Variants in PHACTR1 observed in about 807,000 individuals in gnomAD.
PHACTR1 encodes RPEL repeat containing 1.
PHACTR1 carries 16 observed loss-of-function variants against 69.2 expected under a neutral mutation model. The ratio of observed to expected loss-of-function variants is 0.23; its 90% CI spans 0.16 to 0.35. PHACTR1 has a LOEUF of 0.35. Among genes scored for constraint, PHACTR1 ranks in the 10% least tolerant of loss-of-function variants. The probability of loss-of-function intolerance (pLI) is 1.00; values close to 1 mark genes in which losing one functional copy is unlikely to be tolerated. For missense variants in PHACTR1, 510 were observed against 734.7 expected, an observed-to-expected ratio of 0.69 and a Z score of 3.54; for synonymous variants, 312 against 284.5, an observed-to-expected ratio of 1.10 and a Z score of -0.97.
In PHACTR1 at chr6:12,765,277, G is replaced by A. The variant is rs185953068; in HGVS notation, c.250+15487G>A. ...CATTCATCAGAAGCTTGCTATGTAC[G>A]CAATACAAGTTAACAATTTCATCAA... On this transcript the variant is annotated intron_variant, in intron 4 of 14. Transcript: ENST00000332995. Among the ~76,000 whole-genome samples the A allele has an allele frequency of 3.9e-5, 6 of 152,208 alleles. No individual in the cohort carries two copies. The South Asian group carries it at 6.2e-4, about 16-fold the overall frequency.
chr6:13,009,603 C>T (rs2127641840), intron 4 of PHACTR1, among the ~76,000 whole-genome samples: 1 of 152,166 alleles, frequency 6.6e-6, no homozygotes, highest in African/African-American at 2.4e-5. Context: ...AACAGCTGGG[C>T]ATTCAAAATG....
chr6:13,013,486 G>C (rs1799677952), intron 4 of PHACTR1, among the ~76,000 whole-genome samples: 1 of 152,238 alleles, frequency 6.6e-6, no homozygotes, highest in Non-Finnish European at 1.5e-5. Context: ...GAAGAAAAGG[G>C]GGAGGGGGTT....
At position 12,798,130 on chromosome 6, in the gene PHACTR1, T is replaced by C. The variant is rs1231972561; in HGVS notation, c.250+48340T>C. 4.0e-5 allele frequency among the ~76,000 whole-genome samples: 6 copies of C among 151,556 alleles called. No homozygotes were observed. In the East Asian group the frequency reaches 1.2e-3, roughly 29 times the overall value. ...TAATTACTGTATCTTCAGTGTCTGG[T>C]ACCATACTGTGGTTAGCACAGAGTC... On this transcript the variant is annotated intron_variant, in intron 4 of 14. Coordinates refer to ENST00000332995, the MANE Select transcript of PHACTR1 (RefSeq NM_030948.6).
intron 5 of PHACTR1, among the ~76,000 whole-genome samples, chr6:13,109,670 A>G (rs1341922535): frequency 2.6e-5 from 4 of 152,176 alleles, no homozygotes; most frequent in East Asian, 1.9e-4. Flanking sequence ...GTAGATTTAT[A>G]CTTACATAGT....
At chr6:12,781,439 G>T (rs1770806226) in intron 4 of PHACTR1, among the ~76,000 whole-genome samples, 1 of 152,220 alleles carries the variant, frequency 6.6e-6, no homozygotes, top group Non-Finnish European at 1.5e-5. Context: ...ATAAGGAAGT[G>T]TTTGCTGCCC....
intron 4 of PHACTR1, among the ~76,000 whole-genome samples, chr6:12,807,037 A>AT (rs1774429576): frequency 6.6e-6 from 1 of 152,090 alleles, no homozygotes; most frequent in African/African-American, 2.4e-5. Context: ...AAAGATTCTT[A>AT]TTTTTTCCTT....
chr6:12,964,779 C>T (rs954055284), intron 4 of PHACTR1, among the ~76,000 whole-genome samples: 1 of 152,136 alleles, frequency 6.6e-6, no homozygotes, highest in Non-Finnish European at 1.5e-5. Flanking sequence ...TAATAGCTCT[C>T]ACTTGTTAAT....
intron 4 of PHACTR1, among the ~76,000 whole-genome samples, chr6:12,825,640 G>A (rs1776718796): frequency 6.6e-6 from 1 of 152,132 alleles, no homozygotes; most frequent in African/African-American, 2.4e-5. Flanking sequence ...GAATCTCAAA[G>A]GCCTGTTTCC....
At chr6:12,717,153 G>A (rs1419862284) in intron 1 of PHACTR1, among the ~76,000 whole-genome samples, 4 of 152,034 alleles carry the variant, frequency 2.6e-5, no homozygotes, top group Admixed American at 6.6e-5. Context: ...AATGTCTAAC[G>A]TATGTTAAGC....
At position 12,991,669 on chromosome 6, in the gene PHACTR1, T is replaced by C. The variant is rs1582863642; in HGVS notation, c.251-61696T>C. Among the ~76,000 whole-genome samples the C allele has an allele frequency of 2.6e-5, 4 of 152,310 alleles. No homozygotes were observed. The East Asian group carries it at 7.7e-4, about 29-fold the overall frequency. ...TTGCCATATGGAGAAATAAGCTGGA[T>C]GATGAGGACCACTATTGACAGAGGC... On this transcript the variant is annotated intron_variant, in intron 4 of 14. Transcript: ENST00000332995.
chr6:13,044,113 T>G (rs933552045), intron 4 of PHACTR1, among the ~76,000 whole-genome samples: 1 of 152,010 alleles, frequency 6.6e-6, no homozygotes, highest in Non-Finnish European at 1.5e-5. Context: ...ATTTAAAATT[T>G]TATAATTTTA....
At chr6:12,859,616 A>G (rs1353235129) in intron 4 of PHACTR1, among the ~76,000 whole-genome samples, 1 of 152,198 alleles carries the variant, frequency 6.6e-6, no homozygotes, top group East Asian at 1.9e-4. Flanking sequence ...TTTAAGTAGC[A>G]GCAGCAAACA....
chr6:12,769,927 A>G (rs1282078132), intron 4 of PHACTR1, among the ~76,000 whole-genome samples: 1 of 152,198 alleles, frequency 6.6e-6, no homozygotes, highest in Non-Finnish European at 1.5e-5. Context: ...GTTTGGGAAG[A>G]CTCAAATCTC....
intron 7 of PHACTR1, among the ~76,000 whole-genome samples, chr6:13,201,418 A>G (rs114830929): frequency 2.5e-3 from 379 of 152,290 alleles, no homozygotes; most frequent in African/African-American, 8.2e-3. Context: ...GCCAGAGTGG[A>G]CGAGAGAGAT....
chr6:13,053,925 G>A (rs1361083343), intron 5 of PHACTR1, among the ~76,000 whole-genome samples: 1 of 152,194 alleles, frequency 6.6e-6, no homozygotes, highest in Non-Finnish European at 1.5e-5. Context: ...GTTACTGGCA[G>A]ATAAGAATAG....
intron 4 of PHACTR1, chr6:12,957,926 C>T: frequency 1.0e-6 from 1 of 985,048 alleles, no homozygotes; most frequent in Non-Finnish European, 1.2e-6. Flanking sequence ...CAGAGCCCGA[C>T]ACTTGAGGAG....
At chr6:13,260,911 G>A (rs1447565807) in intron 10 of PHACTR1, among the ~76,000 whole-genome samples, 1 of 152,224 alleles carries the variant, frequency 6.6e-6, no homozygotes, top group African/African-American at 2.4e-5. Context: ...AGTAGAGCAA[G>A]GCTTCTCAAC....
chr6:12,723,365 C>T (rs893958316), intron 3 of PHACTR1, among the ~76,000 whole-genome samples: 2 of 152,062 alleles, frequency 1.3e-5, no homozygotes, highest in African/African-American at 4.8e-5. Context: ...CCACCCTAGA[C>T]CTAGAGAATC....
At chr6:12,947,984 T>C (rs1256622879) in intron 4 of PHACTR1, among the ~76,000 whole-genome samples, 2 of 152,248 alleles carry the variant, frequency 1.3e-5, no homozygotes, top group African/African-American at 4.8e-5. Flanking sequence ...ATCTATAATG[T>C]TATTTCCAAT....
Sources: gnomAD v4.1 joint callset for allele counts (sites outside exome capture counted in the v4.1 genomes callset) on GRCh38, gnomAD v4.1.1 for gene constraint, MANE v1.5 for transcripts, NCBI Gene and HGNC (gene_info 2026-07-23, HGNC 2026-07-21) for gene names.